BABAM2: variants seen among roughly 807,000 people sequenced by gnomAD.
BABAM2 encodes BRISC and BRCA1-A complex member 2.
BABAM2 carries 31 observed loss-of-function variants against 54.7 expected under a neutral mutation model. That is an observed-to-expected ratio of 0.57 (90% CI 0.43 to 0.77). The LOEUF (loss-of-function observed/expected upper bound fraction) is 0.77. BABAM2 is among the 30% of genes least tolerant of loss of function. The pLI is 0.00. For synonymous variants in BABAM2, 167 were observed against 162.9 expected (o/e 1.03, Z -0.19); for missense variants, 364 against 455.8 (o/e 0.80, Z 1.83).
chr2:27,957,324 G>C (rs981667036), intron 3 of BABAM2, among the ~76,000 whole-genome samples: 1 of 152,130 alleles, frequency 6.6e-6, no homozygotes, highest in African/African-American at 2.4e-5. Flanking sequence ...TCCAAATTTT[G>C]AAGTACAGTA....
rs769104573 is a variant in BABAM2 at position 28,244,845 on chromosome 2, T to A, written c.917T>A (p.Phe306Tyr). The A allele has an allele frequency of 6.2e-7, 1 of 1,614,022 alleles. No individual in the cohort carries two copies. Among genetic ancestry groups the A allele is most frequent in the Non-Finnish European group, 8.5e-7 (1 of 1,179,990 alleles). ...ACTCTGCTGCTGATGTGGAAAGATTTTTGTTTTCTTGTACACAGTGAGTAT... is the reference window on the plus strand; with the variant it reads ...ACTCTGCTGCTGATGTGGAAAGATTATTGTTTTCTTGTACACAGTGAGTAT... The part of the protein sequence containing the change: ...KLTLLLMWKD[F>Y]CFLVHIDLPL... The change falls in exon 10 of 12, where the codon TTT (phenylalanine) becomes TAT (tyrosine). Residue 306 changes from phenylalanine to tyrosine, a missense_variant. Coordinates refer to ENST00000379624, the MANE Select transcript of BABAM2 (RefSeq NM_199191.3).
chr2:28,018,488 T>C lies in BABAM2; in HGVS notation c.301-6738T>C, dbSNP rs1394809088. On this transcript the variant is annotated intron_variant, in intron 4 of 11. Coordinates refer to ENST00000379624, the MANE Select transcript of BABAM2 (RefSeq NM_199191.3). ...CATGCATGTGTAAGTATCTTTTTCATATAATGACTTCTTTTCCTCTGGGTG... is the reference window on the plus strand; with the variant it reads ...CATGCATGTGTAAGTATCTTTTTCACATAATGACTTCTTTTCCTCTGGGTG... Among the ~76,000 whole-genome samples the C allele has an allele frequency of 2.6e-5, 4 of 152,368 alleles. No individual in the cohort carries two copies. In the East Asian group the frequency reaches 7.7e-4, roughly 29 times the overall value.
rs370306496 is a variant in BABAM2, at chr2:28,129,359, A to G, written c.659A>G (p.Tyr220Cys). 2.7e-5 allele frequency: 43 copies of G among 1,613,770 alleles called. No individual in the cohort carries two copies. The African/African-American group carries it at 5.6e-4, about 21-fold the overall frequency. ...TEATQVYPKL[Y>C]LSPRIEHALG... ...GCCACCCAGGTGTACCCCAAGCTGT[A>G]CTTGTCACCTCGAATTGAGCAGTAA... The change falls in exon 7 of 12, where the codon TAC becomes TGC. Residue 220 changes from tyrosine (Y) to cysteine (C), a missense_variant. Coordinates refer to ENST00000379624, the MANE Select transcript of BABAM2 (RefSeq NM_199191.3).
At chr2:28,296,475 C>G (rs1380345919) in intron 10 of BABAM2, among the ~76,000 whole-genome samples, 2 of 152,110 alleles carry the variant, frequency 1.3e-5, no homozygotes, top group East Asian at 1.9e-4. Context: ...AGTCAGTCAT[C>G]ATCAGAGTCA....
At chr2:28,078,639 G>T (rs1283628494) in intron 6 of BABAM2, among the ~76,000 whole-genome samples, 5 of 152,152 alleles carry the variant, frequency 3.3e-5, no homozygotes, top group Non-Finnish European at 7.3e-5. Flanking sequence ...ATTTAGATGG[G>T]AGAATGGGGA....
intron 10 of BABAM2, among the ~76,000 whole-genome samples, chr2:28,255,352 C>T (rs568036878): frequency 3.3e-5 from 5 of 151,908 alleles, no homozygotes; most frequent in African/African-American, 1.2e-4. Flanking sequence ...CAGCTCACTG[C>T]AACTTCAGCC....
At position 28,338,611 on chromosome 2, in the gene BABAM2, G is replaced by C. The variant is rs148041909; in HGVS notation, c.*98G>C. ...TGGAAGCCGCCTGGAATGTCTTCAC[G>C]GCAGCGTTTTGCTCACACAGCAGCT... On this transcript the variant is annotated 3_prime_UTR_variant, in exon 12 of 12. Coordinates refer to ENST00000379624, the MANE Select transcript of BABAM2 (RefSeq NM_199191.3). 18 of 1,444,464 alleles carry C rather than the reference G, an allele frequency of 1.2e-5. No individual in the cohort carries two copies. In the South Asian group the frequency reaches 1.7e-4, roughly 14 times the overall value. The allele number at this position is 1,444,464 out of a possible 1,614,324, so 89.5% of individuals were successfully genotyped here. A position where few individuals can be genotyped will look rare whatever the true frequency, so the allele number is the denominator to read the frequency against.
chr2:28,225,024 CAA>C (rs1362912083), intron 7 of BABAM2, among the ~76,000 whole-genome samples: 1 of 152,028 alleles, frequency 6.6e-6, no homozygotes, highest in Non-Finnish European at 1.5e-5. Flanking sequence ...TGTTTAGTAA[CAA>C]GAGAAAGAAA....
At chr2:27,905,054 T>C (rs1458092732) in intron 2 of BABAM2, among the ~76,000 whole-genome samples, 1 of 152,246 alleles carries the variant, frequency 6.6e-6, no homozygotes, top group East Asian at 1.9e-4. Context: ...AATTCAGTTG[T>C]TTATTGGCAT....
chr2:28,026,844 A>C (rs1354949856), intron 5 of BABAM2, among the ~76,000 whole-genome samples: 1 of 36,222 alleles, frequency 2.8e-5, no homozygotes, highest in East Asian at 4.1e-4. Flanking sequence ...ATATATATAA[A>C]TATATATTTA....
intron 6 of BABAM2, among the ~76,000 whole-genome samples, chr2:28,055,301 A>G (rs183593303): frequency 2.6e-5 from 4 of 152,296 alleles, no homozygotes; most frequent in Admixed American, 6.5e-5. Flanking sequence ...TCAAAAAACT[A>G]CCTGTCAAGT....
intron 2 of BABAM2, among the ~76,000 whole-genome samples, chr2:27,915,675 A>C (rs1365193524): frequency 3.7e-3 from 2 of 540 alleles, no homozygotes. Context: ...AGATATAAAA[A>C]ACGTTTTTTT....
Position 28,254,176 on chromosome 2 carries a change from A to G in BABAM2, c.934+9314A>G, listed in dbSNP as rs192726610. Among the ~76,000 whole-genome samples the G allele has an allele frequency of 8.6e-5, 13 of 152,010 alleles. No homozygotes were observed. The East Asian group carries it at 2.5e-3, about 29-fold the overall frequency. ...GAGTAGGAACTGTGGCAAACTGCACACTCCTTTCTATCCTCTTCATTGTTG... is the reference window on the plus strand; with the variant it reads ...GAGTAGGAACTGTGGCAAACTGCACGCTCCTTTCTATCCTCTTCATTGTTG... On this transcript the variant is annotated intron_variant, in intron 10 of 11. Transcript: ENST00000379624.
At chr2:28,222,741 C>A (rs1374052477) in intron 7 of BABAM2, among the ~76,000 whole-genome samples, 1 of 152,246 alleles carries the variant, frequency 6.6e-6, no homozygotes, top group South Asian at 2.1e-4. Context: ...TTGTCCTTGT[C>A]TACAGTTCCC....
rs527628046 is a variant in BABAM2 at position 28,192,582 on chromosome 2, C to T, written c.681-44620C>T. Among the ~76,000 whole-genome samples the T allele has an allele frequency of 1.3e-4, 18 of 139,672 alleles. No individual in the cohort carries two copies. The South Asian group carries it at 1.8e-3, about 14-fold the overall frequency. The allele number at this position is 139,672 out of a possible 152,430, so 91.6% of individuals were successfully genotyped here. A position where few individuals can be genotyped will look rare whatever the true frequency, so the allele number is the denominator to read the frequency against. ...TGTCACTCAGGCTGGAATGCAATGG[C>T]GTGATCTTGGCTCACTGCAACCTCT... On this transcript the variant is annotated intron_variant, in intron 7 of 11. Coordinates refer to ENST00000379624, the MANE Select transcript of BABAM2 (RefSeq NM_199191.3).
chr2:28,030,098 T>A (rs911830340), intron 5 of BABAM2, among the ~76,000 whole-genome samples: 4 of 150,342 alleles, frequency 2.7e-5, no homozygotes, highest in African/African-American at 1.0e-4. Flanking sequence ...CCCCCTTTTT[T>A]AATAATAATA....
chr2:28,113,095 G>A (rs1668279565), intron 6 of BABAM2, among the ~76,000 whole-genome samples: 1 of 152,152 alleles, frequency 6.6e-6, no homozygotes, highest in African/African-American at 2.4e-5. Context: ...GTAGATTCTG[G>A]ATATTAGCTC....
intron 6 of BABAM2, among the ~76,000 whole-genome samples, chr2:28,083,248 C>T (rs1265046654): frequency 2.0e-5 from 3 of 152,220 alleles, no homozygotes; most frequent in African/African-American, 7.2e-5. Flanking sequence ...TCTGTGCCTT[C>T]AGTCATTCAC....
intron 2 of BABAM2, among the ~76,000 whole-genome samples, chr2:27,902,681 T>C (rs550457517): frequency 1.3e-5 from 2 of 152,282 alleles, no homozygotes; most frequent in East Asian, 3.9e-4. Flanking sequence ...GTCTTTTAAG[T>C]GGATTGTTTG....
Sources: gnomAD v4.1 joint callset for allele counts (sites outside exome capture counted in the v4.1 genomes callset) on GRCh38, gnomAD v4.1.1 for gene constraint, MANE v1.5 for transcripts, NCBI Gene and HGNC (gene_info 2026-07-23, HGNC 2026-07-21) for gene names.